GPHN: variants seen among roughly 807,000 people sequenced by gnomAD.
The protein encoded by GPHN is gephyrin.
A neutral mutation model predicts 95.5 loss-of-function variants in GPHN; 17 were observed. The observed-to-expected ratio is 0.18, with a 90% confidence interval of 0.12 to 0.27. The LOEUF is 0.27. Ranked by LOEUF, GPHN falls within the 10% of genes least tolerant of loss-of-function variation. The pLI, the probability that GPHN is intolerant of heterozygous loss-of-function variation, is 1.00. For synonymous variants in GPHN, 320 were observed against 322.5 expected (o/e 0.99, Z 0.08); for missense variants, 660 against 978.1 (o/e 0.67, Z 4.34).
the GPHN span, among the ~76,000 whole-genome samples, chr14:67,339,700 C>T: frequency 6.6e-6 from 1 of 152,188 alleles, no homozygotes; most frequent in Non-Finnish European, 1.5e-5. Flanking sequence ...TTTATACCTT[C>T]TCCTGAACAT....
At chr14:67,630,949 C>T in the GPHN span, among the ~76,000 whole-genome samples, 5 of 152,214 alleles carry the variant, frequency 3.3e-5, no homozygotes, top group South Asian at 8.3e-4. Context: ...CTTTTCTTTC[C>T]GGAAAAAGGG....
At chr14:66,713,120 G>C (rs2069819768) in intron 2 of GPHN, among the ~76,000 whole-genome samples, 1 of 152,158 alleles carries the variant, frequency 6.6e-6, no homozygotes, top group Non-Finnish European at 1.5e-5. Flanking sequence ...TTACTCTGCT[G>C]ACTGTTCCTT....
At chr14:66,585,141 A>G (rs1283424626) in intron 1 of GPHN, among the ~76,000 whole-genome samples, 1 of 152,086 alleles carries the variant, frequency 6.6e-6, no homozygotes, top group East Asian at 1.9e-4. Context: ...CCAGGAATTT[A>G]TCCATTTCTT....
At chr14:67,298,323 G>A in the GPHN span, among the ~76,000 whole-genome samples, 1 of 152,032 alleles carries the variant, frequency 6.6e-6, no homozygotes, top group Admixed American at 6.5e-5. Flanking sequence ...AGACTAGTCT[G>A]GCCAACATGG....
chr14:67,422,428 ACT>A, the GPHN span, among the ~76,000 whole-genome samples: 6 of 151,976 alleles, frequency 3.9e-5, no homozygotes, highest in African/African-American at 1.2e-4. Context: ...AGTGTAATAC[ACT>A]CTGTGTGAAT....
intron 1 of GPHN, among the ~76,000 whole-genome samples, chr14:66,651,081 A>G (rs2065018103): frequency 6.6e-6 from 1 of 152,162 alleles, no homozygotes; most frequent in South Asian, 2.1e-4. Context: ...CACAGGAGTG[A>G]GATGGTTTTC....
the GPHN span, among the ~76,000 whole-genome samples, chr14:67,546,002 A>T: frequency 2.0e-5 from 3 of 152,240 alleles, no homozygotes; most frequent in Non-Finnish European, 2.9e-5. Flanking sequence ...GAACCATTTA[A>T]TGGCTAACCT....
rs899822445 is a variant in GPHN at position 66,529,511 on chromosome 14, C to T, written c.64+20920C>T. 9.2e-5 allele frequency among the ~76,000 whole-genome samples: 14 copies of T among 152,092 alleles called. No individual in the cohort carries two copies. In the East Asian group the frequency reaches 2.1e-3, roughly 23 times the overall value. ...CCGTCCAGTTTTGTTCCCTTGCTGG[C>T]GAGGAGTTGTGATCCTTTGGAGGAG... is the stretch of plus-strand genomic sequence containing the variant. On this transcript the variant is annotated intron_variant, in intron 1 of 22. Coordinates refer to ENST00000478722, the MANE Select transcript of GPHN (RefSeq NM_020806.5).
chr14:67,434,999 C>T, the GPHN span, among the ~76,000 whole-genome samples: 1 of 141,998 alleles, frequency 7.0e-6, no homozygotes, highest in Admixed American at 7.1e-5. Context: ...TGGAGTCTCA[C>T]TCTGTCACCC....
chr14:67,555,252 C>T, the GPHN span, among the ~76,000 whole-genome samples: 30 of 152,312 alleles, frequency 2.0e-4, no homozygotes, highest in African/African-American at 7.2e-4. Context: ...TATCTTGAGC[C>T]TCTCTTTCTC....
the GPHN span, chr14:67,203,213 ACCTGGTGC>A: frequency 1.2e-6 from 2 of 1,613,776 alleles, no homozygotes; most frequent in South Asian, 1.1e-5. Context: ...CCCATCTGAC[ACCTGGTGC>A]CCAAAAAGAT....
chr14:67,599,183 T>C, the GPHN span, among the ~76,000 whole-genome samples: 277 of 152,386 alleles, frequency 1.8e-3, 1 homozygote, highest in African/African-American at 6.0e-3. Context: ...AGCCCTGCTG[T>C]ACTTAGCTCT....
At chr14:66,770,684 T>C (rs2059132273) in intron 2 of GPHN, among the ~76,000 whole-genome samples, 1 of 152,162 alleles carries the variant, frequency 6.6e-6, no homozygotes, top group African/African-American at 2.4e-5. Context: ...AAAATATTAA[T>C]ACCGTAGTAG....
chr14:66,674,279 T>C (rs1023726837), intron 1 of GPHN, among the ~76,000 whole-genome samples: 5 of 152,022 alleles, frequency 3.3e-5, no homozygotes, highest in African/African-American at 1.2e-4. Flanking sequence ...TTTGTATTTT[T>C]AGTAGAGACG....
At chr14:67,357,270 G>A in the GPHN span, among the ~76,000 whole-genome samples, 1 of 152,204 alleles carries the variant, frequency 6.6e-6, no homozygotes, top group Non-Finnish European at 1.5e-5. Context: ...TCTAGCCTAT[G>A]GCTTTTAAAA....
chr14:66,867,078 G>A (rs1310462993), intron 4 of GPHN, among the ~76,000 whole-genome samples: 1 of 151,858 alleles, frequency 6.6e-6, no homozygotes, highest in Admixed American at 6.6e-5. Flanking sequence ...AAAAAAAAAT[G>A]GAGCATCTTC....
intron 1 of GPHN, among the ~76,000 whole-genome samples, chr14:66,564,850 A>G (rs1003175008): frequency 6.6e-6 from 1 of 152,102 alleles, no homozygotes; most frequent in Admixed American, 6.6e-5. Flanking sequence ...CTATCAAATA[A>G]TATTATCATT....
intron 9 of GPHN, among the ~76,000 whole-genome samples, chr14:66,983,790 T>C (rs116485391): frequency 2.7e-3 from 415 of 152,274 alleles, no homozygotes; most frequent in African/African-American, 9.4e-3. Flanking sequence ...ACAGGAAAAA[T>C]GTCTTCCATA....
chr14:66,805,638 A>G (rs527678463), intron 3 of GPHN, among the ~76,000 whole-genome samples: 4 of 152,344 alleles, frequency 2.6e-5, no homozygotes, highest in East Asian at 3.9e-4. Flanking sequence ...GAAAGGGACT[A>G]CAGGCTCCAT....
Sources: allele counts gnomAD v4.1 joint callset (sites outside exome capture counted in the v4.1 genomes callset), GRCh38; gene constraint gnomAD v4.1.1; transcripts MANE v1.5; gene names NCBI Gene and HGNC (gene_info 2026-07-23, HGNC 2026-07-21).